Variants in TLE3 observed in about 807,000 individuals in gnomAD.
The protein encoded by TLE3 is TLE family member 3, transcriptional corepressor.
In TLE3, 14 loss-of-function variants were observed where a neutral mutation model predicts 93.0. The observed-to-expected ratio is 0.15, with a 90% CI of 0.10 to 0.24. The LOEUF is 0.24. Ranked by LOEUF, TLE3 falls within the 10% of genes least tolerant of loss-of-function variation. The probability of loss-of-function intolerance (pLI) is 1.00; values close to 1 mark genes in which losing one functional copy is unlikely to be tolerated. For synonymous variants in TLE3, 451 were observed against 425.0 expected (o/e 1.06, Z -0.75); for missense variants, 693 against 1,046.6 (o/e 0.66, Z 4.66).
intron 4 of TLE3, among the ~76,000 whole-genome samples, chr15:70,091,020 T>C (rs2058283263): frequency 6.6e-6 from 1 of 152,192 alleles, no homozygotes; most frequent in African/African-American, 2.4e-5. Context: ...GAGTCCTGGG[T>C]TGGAAGGGAA....
chr15:70,095,888 G>C (rs892718742), intron 2 of TLE3: 17 of 622,144 alleles, frequency 2.7e-5, no homozygotes, highest in Middle Eastern at 8.7e-4. Context: ...GGACCCTGAC[G>C]CTGGCTCCCG....
chr15:70,060,413 G>T, intron 9 of TLE3, 117 bp downstream of exon 9: 1 of 1,392,416 alleles, frequency 7.2e-7, no homozygotes, highest in Non-Finnish European at 9.8e-7. Context: ...TCGCCAACCT[G>T]TGCTTCTCTG....
Position 70,057,510 on chromosome 15 carries a change from G to A in TLE3, c.1200C>T (p.Ala400=), listed in dbSNP as rs758794039. 35 of 1,607,590 alleles carry A rather than the reference G, an allele frequency of 2.2e-5. No homozygotes were observed. The highest frequency in any genetic ancestry group is 1.2e-4 in the African/African-American group (9 of 74,866). Reference sequence around the variant, plus strand: ...GGCCATAGGCAGCGGCTGCAGCAGCGGCGGCGGCGCTCATCTGGGGTGGGA... The same window carrying A: ...GGCCATAGGCAGCGGCTGCAGCAGCAGCGGCGGCGCTCATCTGGGGTGGGA... ...HNIPPQMSAA[A]AAAAAAYGRS... is the part of the protein sequence containing the mutation. The change falls in exon 13 of 20, where the codon GCC becomes GCT. Residue 400 remains alanine, a synonymous_variant. Coordinates refer to ENST00000451782, the MANE Select transcript of TLE3 (RefSeq NM_001105192.3).
At chr15:70,067,602 C>T (rs577675847) in intron 6 of TLE3, among the ~76,000 whole-genome samples, 1 of 152,324 alleles carries the variant, frequency 6.6e-6, no homozygotes, top group Non-Finnish European at 1.5e-5. Flanking sequence ...ACTAAGGGAG[C>T]TCGCCTGTCA....
At chr15:70,076,324 C>A (rs2057444219) in intron 4 of TLE3, among the ~76,000 whole-genome samples, 166 bp from the exon 5 acceptor site, 1 of 152,228 alleles carries the variant, frequency 6.6e-6, no homozygotes, top group Admixed American at 6.5e-5. Context: ...TAGCTAAATC[C>A]ACAGCATGAA....
In TLE3 at chr15:70,048,376, G is replaced by T. The variant is rs777235128; in HGVS notation, c.*1721C>A. On this transcript the variant is annotated 3_prime_UTR_variant, in exon 20 of 20. Coordinates refer to ENST00000451782, the MANE Select transcript of TLE3 (RefSeq NM_001105192.3). ...CCCAGAGAGACTCTGGACGCCCCAC[G>T]CGCCCAGCCTTGGAGAGGCACAGGG... The T allele has an allele frequency of 3.3e-5, 5 of 152,108 alleles. No homozygotes were observed. The highest frequency in any genetic ancestry group is 9.7e-5 in the African/African-American group (4 of 41,412). 9.4% of individuals were successfully genotyped at this position (152,108 alleles called of 1,614,324 possible).
intron 4 of TLE3, among the ~76,000 whole-genome samples, chr15:70,089,967 C>A (rs1034169408): frequency 6.6e-6 from 1 of 152,158 alleles, no homozygotes; most frequent in African/African-American, 2.4e-5. Flanking sequence ...AGGTTCCCAC[C>A]CGTTGATCTG....
Position 70,074,515 on chromosome 15 carries a change from A to C in TLE3, c.372+18T>G. On this transcript the variant is annotated intron_variant, in intron 6 of 19. Transcript: ENST00000451782. Reference sequence around the variant, plus strand: ...GGGCTATACACACGGTAAGAGGCAGATTGGGGAGTCCACGTACCCCGATGA... The same window carrying C: ...GGGCTATACACACGGTAAGAGGCAGCTTGGGGAGTCCACGTACCCCGATGA... The C allele has an allele frequency of 1.2e-6, 2 of 1,609,202 alleles. No homozygotes were observed. The highest frequency in any genetic ancestry group is 1.7e-6 in the Non-Finnish European group (2 of 1,177,630).
At chr15:70,064,545 G>A (rs978531717) in intron 7 of TLE3, 75 bp from the exon 8 acceptor site, 4 of 1,602,348 alleles carry the variant, frequency 2.5e-6, no homozygotes, top group Non-Finnish European at 3.4e-6. Flanking sequence ...AAAGGAAAAA[G>A]GTCAGTCTAA....
rs1333761199 is a variant in TLE3, at chr15:70,055,058, C to T, written c.1569G>A (p.Leu523=). Residue 523 remains leucine, a synonymous_variant, in exon 15 of 20, where the codon CTG becomes CTA. Coordinates refer to ENST00000451782, the MANE Select transcript of TLE3 (RefSeq NM_001105192.3). ...QPGSKSPISQ[L]DCLNRDNYIR... ...GCCCTGGGATTCTCACCAGGCAGTC[C>T]AGCTGGGAGATGGGGCTCTTGCTGC... 6.2e-7 allele frequency: 1 copy of T among 1,609,916 alleles called. No homozygotes were observed. The highest frequency in any genetic ancestry group is 8.5e-7 in the Non-Finnish European group (1 of 1,178,248).
Position 70,051,430 on chromosome 15 carries a change from G to A in TLE3, c.2163C>T (p.Leu721=). ...WFVSTGKDNL[L]NAWRTPYGAS... ...CTCCATAAGGCGTCCTCCAGGCGTT[G>A]AGAAGGTTATCTTTCCCAGTGCTCA... Residue 721 remains leucine, a synonymous_variant, in exon 19 of 20, where the codon CTC becomes CTT. Coordinates refer to ENST00000451782, the MANE Select transcript of TLE3 (RefSeq NM_001105192.3). 2 of 1,610,678 alleles carry A rather than the reference G, an allele frequency of 1.2e-6. No homozygotes were observed. The highest frequency in any genetic ancestry group is 8.5e-7 in the Non-Finnish European group (1 of 1,178,508).
chr15:70,054,290 G>C lies in TLE3; in HGVS notation c.1826+148C>G, dbSNP rs986834719. ...TCCCTCGCATAAGGCAGGCGGAGCT[G>C]TCTTTTCACCTGTGCATCCCTCATC... On this transcript the variant is annotated intron_variant, in intron 16 of 19. Coordinates refer to ENST00000451782, the MANE Select transcript of TLE3 (RefSeq NM_001105192.3). The C allele has an allele frequency of 5.9e-6, 7 of 1,188,884 alleles. No individual in the cohort carries two copies. In the African/African-American group the frequency reaches 9.2e-5, roughly 16 times the overall value. 73.6% of individuals were successfully genotyped at this position (1,188,884 alleles called of 1,614,324 possible).
intron 2 of TLE3, 92 bp downstream of exon 2, chr15:70,096,069 G>A (rs1266775997): frequency 5.6e-6 from 8 of 1,416,528 alleles, no homozygotes; most frequent in Admixed American, 2.3e-5. Flanking sequence ...CCCTAGGTCG[G>A]GAGCCCCCTC....
In TLE3 at chr15:70,093,735, G is replaced by A. The variant is rs946642001; in HGVS notation, c.234+797C>T. On this transcript the variant is annotated intron_variant, in intron 4 of 19. Coordinates refer to ENST00000451782, the MANE Select transcript of TLE3 (RefSeq NM_001105192.3). Reference sequence around the variant, plus strand: ...AGATAAAGGGTGTTTGTATTTGCTCGGTTTGAGGTATACTGTTATTAGAAG... The same window carrying A: ...AGATAAAGGGTGTTTGTATTTGCTCAGTTTGAGGTATACTGTTATTAGAAG... 4.6e-5 allele frequency among the ~76,000 whole-genome samples: 7 copies of A among 152,166 alleles called. No individual in the cohort carries two copies. In the East Asian group the frequency reaches 5.8e-4, roughly 13 times the overall value.
intron 4 of TLE3, among the ~76,000 whole-genome samples, chr15:70,076,576 C>T (rs967010926): frequency 5.3e-5 from 8 of 152,206 alleles, no homozygotes; most frequent in African/African-American, 1.9e-4. Context: ...GCCAATAGGA[C>T]ATGAGCTCTC....
At position 70,085,661 on chromosome 15, in the gene TLE3, C is replaced by A. The variant is rs1413776521; in HGVS notation, c.234+8871G>T. Among the ~76,000 whole-genome samples, 5 of 152,262 alleles carry A rather than the reference C, an allele frequency of 3.3e-5. 1 individual carries two copies. The South Asian group carries it at 1.0e-3, about 31-fold the overall frequency. On this transcript the variant is annotated intron_variant, in intron 4 of 19. Coordinates refer to ENST00000451782, the MANE Select transcript of TLE3 (RefSeq NM_001105192.3). The stretch of plus-strand genomic sequence containing the variant: ...CAGGCCTGTGGGTGCCTGCCACACA[C>A]AAGGACTGGGTGACATGGAGACCGA...
At position 70,096,744 on chromosome 15, in the gene TLE3, T is replaced by A. The variant is rs774709845; in HGVS notation, c.24+31A>T. 9.3e-6 allele frequency: 15 copies of A among 1,612,398 alleles called. No homozygotes were observed. The South Asian group carries it at 1.1e-4, about 12-fold the overall frequency. On this transcript the variant is annotated intron_variant, in intron 1 of 19. Coordinates refer to ENST00000451782, the MANE Select transcript of TLE3 (RefSeq NM_001105192.3). ...GCCTCGTTTACCCTGCCATGATAGA[T>A]GCTTAAATAAACCGAGTTGCAATTA...
At chr15:70,065,906 C>T in intron 7 of TLE3, 108 bp downstream of exon 7, 1 of 1,249,402 alleles carries the variant, frequency 8.0e-7, no homozygotes, top group Non-Finnish European at 1.1e-6. Flanking sequence ...TCCTTGGTAA[C>T]TCCTGGTCTT....
At chr15:70,057,903 C>T (rs1298059271) in intron 12 of TLE3, 3 of 714,808 alleles carry the variant, frequency 4.2e-6, no homozygotes, top group Admixed American at 5.8e-5. Context: ...TAGAGCCTCA[C>T]TGGACTAATG....
Sources: allele counts gnomAD v4.1 joint callset (sites outside exome capture counted in the v4.1 genomes callset), GRCh38; gene constraint gnomAD v4.1.1; transcripts MANE v1.5; gene names NCBI Gene and HGNC (gene_info 2026-07-23, HGNC 2026-07-21).